Variants in MCTP2 observed in about 807,000 individuals in gnomAD.
The protein encoded by MCTP2 is multiple C2 and transmembrane domain containing 2.
MCTP2 carries 132 observed loss-of-function variants against 111.6 expected under a neutral mutation model. The ratio of observed to expected loss-of-function variants is 1.18; its 90% CI spans 1.03 to 1.37. The LOEUF (loss-of-function observed/expected upper bound fraction) is 1.37, where lower values mean the gene tolerates loss of function less well. Ranked by LOEUF, MCTP2 falls within the 40% of genes most tolerant of loss-of-function variation. The pLI, the probability that MCTP2 is intolerant of heterozygous loss-of-function variation, is 0.00. For missense variants in MCTP2, 1,183 were observed against 1,067.9 expected (o/e 1.11, Z -1.50); for synonymous variants, 395 against 387.7 (o/e 1.02, Z -0.22).
chr15:94,243,243 G>T (rs1567250413), intron 1 of MCTP2, among the ~76,000 whole-genome samples: 1 of 148,536 alleles, frequency 6.7e-6, no homozygotes, highest in Non-Finnish European at 1.5e-5. Flanking sequence ...ATACACATGC[G>T]TATATGCGTA....
chr15:94,321,402 G>C (rs116355037), intron 4 of MCTP2, among the ~76,000 whole-genome samples: 2 of 152,048 alleles, frequency 1.3e-5, no homozygotes, highest in East Asian at 1.9e-4. Context: ...AAAATATTAC[G>C]TGTACCCCAT....
At chr15:94,436,378 T>A (rs537252340) in intron 17 of MCTP2, among the ~76,000 whole-genome samples, 2 of 152,318 alleles carry the variant, frequency 1.3e-5, no homozygotes, top group East Asian at 1.9e-4. Context: ...CTAAAAAAAA[T>A]ATTTTTCTGG....
intron 20 of MCTP2, among the ~76,000 whole-genome samples, chr15:94,469,689 G>A (rs977094828): frequency 1.3e-5 from 2 of 151,944 alleles, no homozygotes; most frequent in African/African-American, 4.8e-5. Context: ...GGTGACATAG[G>A]GACGCCAGAG....
chr15:94,285,471 A>G (rs1283853894), intron 1 of MCTP2, among the ~76,000 whole-genome samples: 1 of 152,232 alleles, frequency 6.6e-6, no homozygotes, highest in Non-Finnish European at 1.5e-5. Context: ...CTTTAAAAAC[A>G]TAGCAACCTC....
intron 4 of MCTP2, among the ~76,000 whole-genome samples, chr15:94,319,976 C>T (rs2076551817): frequency 6.6e-6 from 1 of 152,108 alleles, no homozygotes; most frequent in African/African-American, 2.4e-5. Context: ...TGGCATTTGT[C>T]CTATGCAGTC....
chr15:94,265,075 G>T (rs1381828763), intron 1 of MCTP2, among the ~76,000 whole-genome samples: 3 of 152,058 alleles, frequency 2.0e-5, no homozygotes, highest in African/African-American at 7.2e-5. Flanking sequence ...ATATGTTTGT[G>T]TATACATGTG....
intron 13 of MCTP2, among the ~76,000 whole-genome samples, 186 bp downstream of exon 13, chr15:94,384,310 T>C (rs1334517912): frequency 1.3e-5 from 2 of 152,202 alleles, no homozygotes; most frequent in East Asian, 3.8e-4. Flanking sequence ...CATTTGGAAC[T>C]GCAAGGGACT....
At chr15:94,368,263 T>C (rs1288410001) in intron 11 of MCTP2, among the ~76,000 whole-genome samples, 1 of 152,214 alleles carries the variant, frequency 6.6e-6, no homozygotes, top group East Asian at 1.9e-4. Flanking sequence ...ACCGCTGTTC[T>C]GAACTAGTCT....
intron 19 of MCTP2, 69 bp from the exon 20 acceptor site, chr15:94,458,068 T>C (rs1318142721): frequency 3.5e-6 from 3 of 847,446 alleles, no homozygotes; most frequent in South Asian, 2.9e-5. Context: ...TAACATGTTA[T>C]AATATTTTCT....
Position 94,298,450 on chromosome 15 carries a change from C to A in MCTP2, c.185C>A (p.Ala62Asp), listed in dbSNP as rs746620932. 1 of 1,614,154 alleles carries A rather than the reference C, an allele frequency of 6.2e-7. No homozygotes were observed. The highest frequency in any genetic ancestry group is 8.5e-7 in the Non-Finnish European group (1 of 1,180,006). Residue 62 changes from alanine (A) to aspartate (D), a missense_variant, in exon 2 of 23, where the codon GCC becomes GAC. Coordinates refer to ENST00000357742, the MANE Select transcript of MCTP2 (RefSeq NM_001385001.1). ...GATCTCCTGGAGGCTGAGGCCTTGG[C>A]CCCAGAGGGCCGGCCTTACTCCGGG... Reference protein sequence around the residue: ...VPDLLEAEALAPEGRPYSGPQ... With the variant: ...VPDLLEAEALDPEGRPYSGPQ...
At chr15:94,390,427 G>A (rs1247967810) in intron 14 of MCTP2, among the ~76,000 whole-genome samples, 1 of 152,010 alleles carries the variant, frequency 6.6e-6, no homozygotes, top group African/African-American at 2.4e-5. Flanking sequence ...ATGTCAGGCA[G>A]TAGACACGAT....
intron 8 of MCTP2, among the ~76,000 whole-genome samples, chr15:94,345,372 T>C (rs576551221): frequency 7.0e-6 from 1 of 143,436 alleles, no homozygotes; most frequent in South Asian, 2.2e-4. Context: ...ACTCTTGTTT[T>C]AGTGGTGGCA....
intron 1 of MCTP2, among the ~76,000 whole-genome samples, chr15:94,245,096 G>C (rs2071703667): frequency 6.7e-6 from 1 of 148,828 alleles, no homozygotes; most frequent in South Asian, 2.1e-4. Context: ...ACATACATAT[G>C]TACCTATGTT....
chr15:94,371,912 T>A (rs1326998602), intron 12 of MCTP2, among the ~76,000 whole-genome samples: 1 of 152,186 alleles, frequency 6.6e-6, no homozygotes, highest in Non-Finnish European at 1.5e-5. Context: ...GTAACCTCCA[T>A]AAAGCCCCCA....
At chr15:94,390,993 G>A (rs1434983472) in intron 14 of MCTP2, among the ~76,000 whole-genome samples, 2 of 152,094 alleles carry the variant, frequency 1.3e-5, no homozygotes, top group African/African-American at 4.8e-5. Flanking sequence ...GCCTCCCAAA[G>A]TGCTGGGATT....
chr15:94,476,665 TAA>T, intron 21 of MCTP2, 29 bp from the exon 22 acceptor site: 1 of 1,067,062 alleles, frequency 9.4e-7, no homozygotes, highest in Non-Finnish European at 1.5e-6. Flanking sequence ...GACAGACAGA[TAA>T]AGAGATCTCC....
At chr15:94,281,291 A>T (rs1293239102) in intron 1 of MCTP2, among the ~76,000 whole-genome samples, 2 of 152,178 alleles carry the variant, frequency 1.3e-5, no homozygotes, top group African/African-American at 4.8e-5. Flanking sequence ...TTCTTGTTGA[A>T]TTGAACTCTT....
intron 1 of MCTP2, among the ~76,000 whole-genome samples, chr15:94,266,706 T>C (rs1234139424): frequency 6.6e-6 from 1 of 152,168 alleles, no homozygotes; most frequent in Non-Finnish European, 1.5e-5. Flanking sequence ...AGAATGTGTT[T>C]CACTGAAAGG....
intron 12 of MCTP2, among the ~76,000 whole-genome samples, chr15:94,371,957 G>A (rs1245291121): frequency 1.3e-5 from 2 of 152,168 alleles, no homozygotes; most frequent in African/African-American, 4.8e-5. Flanking sequence ...TCAGGCCAGT[G>A]TATCATCTCC....
Sources: gnomAD v4.1 joint callset for allele counts (sites outside exome capture counted in the v4.1 genomes callset) on GRCh38, gnomAD v4.1.1 for gene constraint, MANE v1.5 for transcripts, NCBI Gene and HGNC (gene_info 2026-07-23, HGNC 2026-07-21) for gene names.